The following EPB41 variants were observed in gnomAD, a reference collection of about 807,000 sequenced individuals.
EPB41 encodes erythrocyte membrane protein band 4.1.
A neutral mutation model predicts 108.0 loss-of-function variants in EPB41; 65 were observed. The ratio of observed to expected loss-of-function variants is 0.60; its 90% confidence interval spans 0.49 to 0.74. The LOEUF (loss-of-function observed/expected upper bound fraction) is 0.74. Among genes scored for constraint, EPB41 ranks in the 30% least tolerant of loss-of-function variants. The pLI is 0.00. For missense variants in EPB41, 875 were observed against 1,037.0 expected, an observed-to-expected ratio of 0.84 and a Z score of 2.15; for synonymous variants, 336 against 358.9, an observed-to-expected ratio of 0.94 and a Z score of 0.72.
At chr1:28,919,743 C>G (rs751414220) in intron 1 of EPB41, among the ~76,000 whole-genome samples, 1 of 152,200 alleles carries the variant, frequency 6.6e-6, no homozygotes, top group Non-Finnish European at 1.5e-5. Context: ...GCATGAGCCA[C>G]AGCATCCAGC....
intron 4 of EPB41, among the ~76,000 whole-genome samples, chr1:29,004,296 AC>A (rs2149796553): frequency 6.6e-6 from 1 of 152,340 alleles, no homozygotes; most frequent in Admixed American, 6.5e-5. Context: ...AATTAGGACT[AC>A]ATGCAATTCA....
In EPB41 at chr1:28,946,859, A is replaced by G. The variant is rs138223388; in HGVS notation, c.-8+32091A>G. ...TTAAAGACATTCATAAGGGCAAACA[A>G]GGTATTAGCAAATATGTCAGATGTT... On this transcript the variant is annotated intron_variant, in intron 1 of 20. Transcript: ENST00000343067. 2.4e-4 allele frequency among the ~76,000 whole-genome samples: 37 copies of G among 152,352 alleles called. 1 individual carries two copies. Among genetic ancestry groups the G allele is most frequent in the Admixed American group, 9.2e-4 (14 of 15,298 alleles).
chr1:29,077,095 A>G (rs1164369413), intron 16 of EPB41, among the ~76,000 whole-genome samples: 1 of 152,202 alleles, frequency 6.6e-6, no homozygotes, highest in African/African-American at 2.4e-5. Context: ...TTTGTGCCAA[A>G]TTAATCACCT....
chr1:29,023,042 T>C (rs1183811040), intron 7 of EPB41, among the ~76,000 whole-genome samples: 1 of 152,000 alleles, frequency 6.6e-6, no homozygotes, highest in Non-Finnish European at 1.5e-5. Context: ...TCGCCCAGGC[T>C]GGAGTGCAAT....
intron 1 of EPB41, among the ~76,000 whole-genome samples, chr1:28,976,230 A>G (rs1275915332): frequency 6.6e-6 from 1 of 152,180 alleles, no homozygotes; most frequent in African/African-American, 2.4e-5. Context: ...TTAACCACCC[A>G]GAGTTTATTT....
At chr1:28,978,679 A>G (rs146237582) in intron 1 of EPB41, among the ~76,000 whole-genome samples, 6 of 151,436 alleles carry the variant, frequency 4.0e-5, no homozygotes, top group Middle Eastern at 3.4e-3. Flanking sequence ...ATCTGCCCTC[A>G]TTTTTGGTGG....
chr1:29,084,975 G>A (rs1208409551), intron 16 of EPB41, among the ~76,000 whole-genome samples: 2 of 151,996 alleles, frequency 1.3e-5, no homozygotes, highest in African/African-American at 4.8e-5. Flanking sequence ...ACCATGTAGG[G>A]ACTTCCTGTC....
At chr1:29,116,204 T>C (rs527819634) in intron 20 of EPB41, among the ~76,000 whole-genome samples, 2 of 145,336 alleles carry the variant, frequency 1.4e-5, no homozygotes, top group East Asian at 4.0e-4. Context: ...CAGGCTTGAG[T>C]GCAGTGGCAT....
chr1:28,979,859 A>G (rs1032467543), intron 1 of EPB41, among the ~76,000 whole-genome samples: 2 of 152,236 alleles, frequency 1.3e-5, no homozygotes, highest in Admixed American at 6.5e-5. Flanking sequence ...CAGACTTGGC[A>G]GAAGAAAATG....
At chr1:28,947,211 C>A (rs755687796) in intron 1 of EPB41, among the ~76,000 whole-genome samples, 1 of 152,106 alleles carries the variant, frequency 6.6e-6, no homozygotes, top group Non-Finnish European at 1.5e-5. Context: ...AGGTCAAGAC[C>A]ATCCTGGCCA....
chr1:28,983,559 C>T (rs1281357518), intron 1 of EPB41, among the ~76,000 whole-genome samples: 1 of 152,130 alleles, frequency 6.6e-6, no homozygotes, highest in African/African-American at 2.4e-5. Flanking sequence ...TTGTGACAGG[C>T]GTACCTTGTT....
At chr1:29,098,319 C>T (rs942029799) in intron 17 of EPB41, among the ~76,000 whole-genome samples, 6 of 151,928 alleles carry the variant, frequency 3.9e-5, no homozygotes, top group African/African-American at 7.3e-5. Context: ...CTCAGCCTCC[C>T]GAGTAGCTGG....
At chr1:28,945,449 A>T (rs1346073728) in intron 1 of EPB41, among the ~76,000 whole-genome samples, 1 of 152,164 alleles carries the variant, frequency 6.6e-6, no homozygotes, top group Non-Finnish European at 1.5e-5. Flanking sequence ...TGGTATCTGT[A>T]GTTGAGAGGT....
At chr1:28,934,671 T>TGTGTGTGTGTGTGC (rs1330962701) in intron 1 of EPB41, among the ~76,000 whole-genome samples, 1 of 149,332 alleles carries the variant, frequency 6.7e-6, no homozygotes, top group African/African-American at 2.5e-5. Context: ...TGACATTGTG[T>TGTGTGTGTGTGTGC]GTGTGTGTGT....
chr1:29,047,071 G>C (rs1643438837), intron 11 of EPB41, among the ~76,000 whole-genome samples: 2 of 151,952 alleles, frequency 1.3e-5, no homozygotes, highest in Admixed American at 6.6e-5. Context: ...AAAGACTGTT[G>C]TCATTTCTTT....
At chr1:28,965,423 A>G (rs868605775) in intron 1 of EPB41, among the ~76,000 whole-genome samples, 1 of 152,044 alleles carries the variant, frequency 6.6e-6, no homozygotes. Context: ...GGTTTAGTAT[A>G]GGGTATTATT....
At chr1:29,092,225 G>T (rs958779512) in intron 16 of EPB41, among the ~76,000 whole-genome samples, 1 of 151,376 alleles carries the variant, frequency 6.6e-6, no homozygotes, top group Non-Finnish European at 1.5e-5. Context: ...AGCCTCCCGA[G>T]TAGCTGGGAT....
rs2090607109 is a variant in EPB41, at chr1:28,895,875, G to A, written c.-8+8665G>A. ...TGAATTCTCTTTGTCCATCTCCCAT[G>A]ACCAGTACACGGCTGGTGGGAGCTA... On this transcript the variant is annotated intron_variant, in intron 1 of 16. Transcript: ENST00000347529. Among the ~76,000 whole-genome samples, 3 of 152,124 alleles carry A rather than the reference G, an allele frequency of 2.0e-5. No individual in the cohort carries two copies. The South Asian group carries it at 6.2e-4, about 31-fold the overall frequency.
At position 29,024,987 on chromosome 1, in the gene EPB41, C is replaced by T. The variant is rs534271376; in HGVS notation, c.1125-5413C>T. Among the ~76,000 whole-genome samples, 43 of 152,130 alleles carry T rather than the reference C, an allele frequency of 2.8e-4. 3 individuals are homozygous for T. In the South Asian group the frequency reaches 8.3e-3, roughly 29 times the overall value. Reference sequence around the variant, plus strand: ...TGGCATTTTAACTAATCCAAAGAAACTTCCACTGAGGCATATGCATTTTAC... The same window carrying T: ...TGGCATTTTAACTAATCCAAAGAAATTTCCACTGAGGCATATGCATTTTAC... On this transcript the variant is annotated intron_variant, in intron 7 of 20. Transcript: ENST00000343067.
Sources: allele counts gnomAD v4.1 joint callset (sites outside exome capture counted in the v4.1 genomes callset), GRCh38; gene constraint gnomAD v4.1.1; transcripts MANE v1.5; gene names NCBI Gene and HGNC (gene_info 2026-07-23, HGNC 2026-07-21).